Variants in DPP8 observed in about 807,000 individuals in gnomAD.
The protein encoded by DPP8 is DPP VIII.
DPP8 carries 31 observed loss-of-function variants against 107.5 expected under a neutral mutation model. The ratio of observed to expected loss-of-function variants is 0.29; its 90% CI spans 0.22 to 0.39. DPP8 has a LOEUF of 0.39. DPP8 is among the 10% of genes least tolerant of loss of function. DPP8 has a pLI of 1.00. For missense variants in DPP8, 842 were observed against 1,076.1 expected, an observed-to-expected ratio of 0.78 and a Z score of 3.04; for synonymous variants, 381 against 356.6, an observed-to-expected ratio of 1.07 and a Z score of -0.77.
intron 19 of DPP8, among the ~76,000 whole-genome samples, chr15:65,447,207 T>G (rs192655857): frequency 6.6e-6 from 1 of 151,748 alleles, no homozygotes; most frequent in East Asian, 1.9e-4. Flanking sequence ...AATGATGGAT[T>G]TATCTGTAGA....
intron 9 of DPP8, 54 bp downstream of exon 9, chr15:65,481,461 C>G: frequency 8.0e-7 from 1 of 1,254,006 alleles, no homozygotes; most frequent in Non-Finnish European, 1.1e-6. Context: ...ACAAATATTC[C>G]AAAGCTCTGG....
At position 65,479,672 on chromosome 15, in the gene DPP8, G is replaced by A. The variant is rs974298638; in HGVS notation, c.1296+550C>T. On this transcript the variant is annotated intron_variant, in intron 10 of 19. Transcript: ENST00000300141. ...ATCCTGGCTAACAAGGTGAAACCCC[G>A]TCTCTACTAAAAATACAAAAAATTA... 6.6e-5 allele frequency among the ~76,000 whole-genome samples: 10 copies of A among 151,228 alleles called. No individual in the cohort carries two copies. The East Asian group carries it at 9.7e-4, about 15-fold the overall frequency.
chr15:65,469,012 G>A (rs1473427558), intron 12 of DPP8, among the ~76,000 whole-genome samples: 2 of 152,072 alleles, frequency 1.3e-5, no homozygotes, highest in African/African-American at 4.8e-5. Flanking sequence ...TTTCGCTCTC[G>A]TTGCCCAGGC....
At chr15:65,492,456 G>A (rs944037642) in intron 5 of DPP8, among the ~76,000 whole-genome samples, 1 of 152,138 alleles carries the variant, frequency 6.6e-6, no homozygotes, top group Non-Finnish European at 1.5e-5. Flanking sequence ...ATAAGAAAGT[G>A]CCAAACAGTT....
intron 5 of DPP8, among the ~76,000 whole-genome samples, chr15:65,491,886 C>T (rs148948226): frequency 0.048 from 7,354 of 152,190 alleles, 607 homozygotes; most frequent in African/African-American, 0.17. Flanking sequence ...GTGCCCGCCA[C>T]GATGCCCGGC....
At chr15:65,486,526 C>A (rs772286295) in intron 7 of DPP8, among the ~76,000 whole-genome samples, 3 of 152,202 alleles carry the variant, frequency 2.0e-5, no homozygotes, top group Non-Finnish European at 4.4e-5. Context: ...TGCATTCCAG[C>A]CTGAATGACA....
At chr15:65,508,929 A>G (rs957516657) in intron 2 of DPP8, among the ~76,000 whole-genome samples, 1 of 152,186 alleles carries the variant, frequency 6.6e-6, no homozygotes, top group Non-Finnish European at 1.5e-5. Context: ...AAAAATAACA[A>G]GAAATCTCCT....
chr15:65,469,653 CAAAAAAAAAAAAA>C (rs61311948), intron 12 of DPP8, among the ~76,000 whole-genome samples: 4 of 66,554 alleles, frequency 6.0e-5, no homozygotes, highest in Non-Finnish European at 1.1e-4. Flanking sequence ...AACTCCGTCT[CAAAAAAAAAAAAA>C]AAAAAAAAAA....
rs191066944 is a variant in DPP8 at position 65,464,706 on chromosome 15, C to T, written c.1826-800G>A. On this transcript the variant is annotated intron_variant, in intron 14 of 19. Transcript: ENST00000300141. ...CACTGTCTCGACAACAACAAAAACC[C>T]ACCAAATAAAGAACAACAACAAAAC... 1.7e-3 allele frequency among the ~76,000 whole-genome samples: 261 copies of T among 152,198 alleles called. 1 individual carries two copies. Among genetic ancestry groups the T allele is most frequent in the African/African-American group, 5.9e-3 (244 of 41,544 alleles).
At chr15:65,448,565 G>A (rs2063641653) in intron 19 of DPP8, among the ~76,000 whole-genome samples, 3 of 149,916 alleles carry the variant, frequency 2.0e-5, no homozygotes, top group Admixed American at 6.7e-5. Context: ...CCAGCTACTC[G>A]GGAGGCTGGG....
rs1197501935 is a variant in DPP8, at chr15:65,481,613, G to A, written c.1020C>T (p.Ile340=). 1.4e-6 allele frequency: 2 copies of A among 1,435,552 alleles called. No homozygotes were observed. Among genetic ancestry groups the A allele is most frequent in the African/African-American group, 1.5e-5 (1 of 67,916 alleles). 88.9% of individuals were successfully genotyped at this position (1,435,552 alleles called of 1,614,324 possible). ...SEIMIDAEGR[I]IDVIDKELIQ... Reference sequence around the variant, plus strand: ...TTAGTTCCTTATCTATGACATCTATGATCTATTAAAAAAGAAAAAAAAAGA... The same window carrying A: ...TTAGTTCCTTATCTATGACATCTATAATCTATTAAAAAAGAAAAAAAAAGA... Residue 340 remains isoleucine (I), a splice_region_variant and synonymous_variant, in exon 9 of 20, where the codon ATC becomes ATT. Transcript: ENST00000300141.
intron 5 of DPP8, among the ~76,000 whole-genome samples, chr15:65,491,567 A>G (rs1184001818): frequency 6.6e-6 from 1 of 152,178 alleles, no homozygotes; most frequent in East Asian, 1.9e-4. Flanking sequence ...GAAATCATAC[A>G]GTATGTATAT....
At chr15:65,466,098 G>A (rs1461943198) in intron 14 of DPP8, among the ~76,000 whole-genome samples, 1 of 152,060 alleles carries the variant, frequency 6.6e-6, no homozygotes, top group African/African-American at 2.4e-5. Flanking sequence ...CAAAATTTGT[G>A]AATAAATTGT....
chr15:65,454,174 C>A, intron 17 of DPP8, 89 bp downstream of exon 17: 5 of 972,782 alleles, frequency 5.1e-6, no homozygotes, highest in Non-Finnish European at 5.6e-6. Context: ...ACTCTGTAAA[C>A]CTTCAGAAAA....
intron 1 of DPP8, among the ~76,000 whole-genome samples, chr15:65,514,872 G>T (rs907324549): frequency 2.0e-5 from 3 of 152,104 alleles, no homozygotes; most frequent in Admixed American, 6.6e-5. Context: ...TATACAAACT[G>T]GGCTCATTTT....
chr15:65,513,690 G>C (rs1192216201), intron 1 of DPP8, among the ~76,000 whole-genome samples: 1 of 151,920 alleles, frequency 6.6e-6, no homozygotes, highest in East Asian at 1.9e-4. Flanking sequence ...AGTATAAACT[G>C]GGGTTTACCG....
chr15:65,469,543 C>T lies in DPP8; in HGVS notation c.1537-2320G>A, dbSNP rs1234099269. ...TGGCATGCACCTGTAATCCCAGCTA[C>T]TCAGGAGGCTGAGACAGGAGAATCG... On this transcript the variant is annotated intron_variant, in intron 12 of 19. Transcript: ENST00000300141. 3.3e-5 allele frequency among the ~76,000 whole-genome samples: 5 copies of T among 149,468 alleles called. No individual in the cohort carries two copies. The East Asian group carries it at 1.0e-3, about 31-fold the overall frequency.
At chr15:65,503,573 T>C (rs2069515643) in intron 3 of DPP8, among the ~76,000 whole-genome samples, 1 of 152,080 alleles carries the variant, frequency 6.6e-6, no homozygotes, top group East Asian at 1.9e-4. Flanking sequence ...CACAAGTAGC[T>C]GGGATTACAG....
intron 12 of DPP8, among the ~76,000 whole-genome samples, chr15:65,473,878 C>A (rs1384897912): frequency 6.6e-6 from 1 of 151,914 alleles, no homozygotes. Flanking sequence ...CTGAGGAGGG[C>A]GAATCACAAG....
Sources: allele counts gnomAD v4.1 joint callset (sites outside exome capture counted in the v4.1 genomes callset), GRCh38; gene constraint gnomAD v4.1.1; transcripts MANE v1.5; gene names NCBI Gene and HGNC (gene_info 2026-07-23, HGNC 2026-07-21).